GABBR2: variants seen among roughly 807,000 people sequenced by gnomAD.
GABBR2 encodes G-protein coupled receptor 51.
A neutral mutation model predicts 105.6 loss-of-function variants in GABBR2; 23 were observed. The ratio of observed to expected loss-of-function variants is 0.22; its 90% confidence interval spans 0.16 to 0.31. The LOEUF (loss-of-function observed/expected upper bound fraction) is 0.31, where lower values mean the gene tolerates loss of function less well. Ranked by LOEUF, GABBR2 falls within the 10% of genes least tolerant of loss-of-function variation. The probability of loss-of-function intolerance (pLI) is 1.00; values close to 1 mark genes in which losing one functional copy is unlikely to be tolerated. For missense variants in GABBR2, 734 were observed against 1,245.5 expected (o/e 0.59, Z 6.18); for synonymous variants, 478 against 499.7 (o/e 0.96, Z 0.58).
chr9:98,550,234 G>C (rs897372726), intron 2 of GABBR2, among the ~76,000 whole-genome samples: 1 of 152,126 alleles, frequency 6.6e-6, no homozygotes, highest in Non-Finnish European at 1.5e-5. Flanking sequence ...AGAAAACCGA[G>C]GCTTAGAGGT....
In GABBR2 at chr9:98,675,725, G is replaced by A. The variant is rs531468626; in HGVS notation, c.321+32692C>T. Among the ~76,000 whole-genome samples the A allele has an allele frequency of 3.3e-5, 5 of 152,248 alleles. 1 individual carries two copies. In the South Asian group the frequency reaches 8.3e-4, roughly 25 times the overall value. ...CTTCATTTCCCTTGCCCCAGATTGA[G>A]AGTCTATGCACTTAAAGATCAGCAC... On this transcript the variant is annotated intron_variant, in intron 1 of 18. Coordinates refer to ENST00000259455, the MANE Select transcript of GABBR2 (RefSeq NM_005458.8).
At chr9:98,558,280 A>G (rs1046087456) in intron 2 of GABBR2, among the ~76,000 whole-genome samples, 1 of 152,240 alleles carries the variant, frequency 6.6e-6, no homozygotes, top group African/African-American at 2.4e-5. Context: ...TCTACCTGCT[A>G]ACCCTAAGTA....
intron 3 of GABBR2, among the ~76,000 whole-genome samples, chr9:98,503,193 C>T (rs1039004125): frequency 1.3e-5 from 2 of 152,032 alleles, no homozygotes; most frequent in Non-Finnish European, 2.9e-5. Flanking sequence ...GATTCCAGGC[C>T]GAGGAGCAGC....
intron 18 of GABBR2, among the ~76,000 whole-genome samples, chr9:98,292,316 G>T (rs1165256413): frequency 6.6e-6 from 1 of 152,246 alleles, no homozygotes; most frequent in African/African-American, 2.4e-5. Flanking sequence ...CAGAGTTCAG[G>T]TAACTTCCCC....
At chr9:98,497,499 C>T (rs1827305406) in intron 3 of GABBR2, among the ~76,000 whole-genome samples, 1 of 152,052 alleles carries the variant, frequency 6.6e-6, no homozygotes, top group South Asian at 2.1e-4. Context: ...CATGGCTGTG[C>T]ACCCTCTGAC....
chr9:98,400,357 A>G (rs191680345), intron 8 of GABBR2, among the ~76,000 whole-genome samples: 1 of 152,306 alleles, frequency 6.6e-6, no homozygotes, highest in Non-Finnish European at 1.5e-5. Context: ...TTAGACCGTC[A>G]AAAAATGAGG....
At chr9:98,615,455 T>G (rs1829568970) in intron 1 of GABBR2, among the ~76,000 whole-genome samples, 1 of 152,230 alleles carries the variant, frequency 6.6e-6, no homozygotes, top group Non-Finnish European at 1.5e-5. Context: ...GAAAGACTAA[T>G]TTTTAAAATG....
chr9:98,357,772 C>T (rs533318502), intron 13 of GABBR2, among the ~76,000 whole-genome samples: 4 of 152,116 alleles, frequency 2.6e-5, no homozygotes, highest in African/African-American at 9.6e-5. Context: ...CCTTACAGGA[C>T]CTGTGTGCCT....
intron 3 of GABBR2, among the ~76,000 whole-genome samples, chr9:98,524,676 T>G (rs1189169589): frequency 6.6e-6 from 1 of 152,178 alleles, no homozygotes; most frequent in African/African-American, 2.4e-5. Context: ...ACTCATTCAT[T>G]CCATCAGGAA....
intron 1 of GABBR2, among the ~76,000 whole-genome samples, chr9:98,602,383 A>G (rs1474046498): frequency 2.0e-5 from 3 of 150,652 alleles, no homozygotes; most frequent in African/African-American, 7.4e-5. Flanking sequence ...GAGGCAGGAG[A>G]ATCGCTTGAA....
chr9:98,614,696 CAT>C (rs1758243901), intron 1 of GABBR2, among the ~76,000 whole-genome samples: 1 of 149,080 alleles, frequency 6.7e-6, no homozygotes, highest in African/African-American at 2.5e-5. Flanking sequence ...AGATGAGAAA[CAT>C]AGAACTAACT....
chr9:98,414,711 C>T (rs113132108), intron 7 of GABBR2, among the ~76,000 whole-genome samples: 8 of 152,278 alleles, frequency 5.3e-5, no homozygotes, highest in African/African-American at 7.2e-5. Flanking sequence ...GGCTTCCTGA[C>T]GGTTGGGTGC....
At position 98,362,811 on chromosome 9, in the gene GABBR2, C is replaced by A; in HGVS notation, c.1797G>T (p.Val599=). The A allele has an allele frequency of 6.3e-7, 1 of 1,594,882 alleles. No homozygotes were observed. Among genetic ancestry groups the A allele is most frequent in the South Asian group, 1.1e-5 (1 of 87,828 alleles). The change falls in exon 13 of 19, where the codon GTG becomes GTT. Residue 599 remains valine (V), a synonymous_variant. Transcript: ENST00000259455. The part of the protein sequence containing the change: ...KKIIKDQKLL[V]IVGGMLLIDL... ...CGATCAGCAGCATGCCCCCCACGAT[C>A]ACAAGCAGTTTCTGGTCCTTGATGA...
At chr9:98,659,280 C>A (rs893571241) in intron 1 of GABBR2, among the ~76,000 whole-genome samples, 1 of 152,132 alleles carries the variant, frequency 6.6e-6, no homozygotes, top group Non-Finnish European at 1.5e-5. Flanking sequence ...TACAATTTTC[C>A]AGCTGAGCTA....
chr9:98,616,277 G>A (rs111310121), intron 1 of GABBR2, among the ~76,000 whole-genome samples: 3,497 of 152,246 alleles, frequency 0.023, 46 homozygotes, highest in Middle Eastern at 0.061. Context: ...TCACCCTCCG[G>A]GTCAGGCAGT....
chr9:98,416,235 C>T (rs1832687663), intron 7 of GABBR2, among the ~76,000 whole-genome samples: 1 of 152,170 alleles, frequency 6.6e-6, no homozygotes, highest in South Asian at 2.1e-4. Context: ...CATAACCAAG[C>T]CAGTCCTCTC....
At chr9:98,338,512 T>A (rs1377168733) in intron 13 of GABBR2, among the ~76,000 whole-genome samples, 1 of 152,208 alleles carries the variant, frequency 6.6e-6, no homozygotes, top group Non-Finnish European at 1.5e-5. Context: ...CCAATAAGCA[T>A]GTAAAAAGAC....
chr9:98,435,471 A>G (rs780361027), intron 7 of GABBR2, among the ~76,000 whole-genome samples: 7 of 152,086 alleles, frequency 4.6e-5, no homozygotes, highest in Middle Eastern at 3.2e-3. Context: ...CTCTATACCC[A>G]ATATCACTGA....
chr9:98,587,170 T>C (rs923382517), intron 1 of GABBR2, among the ~76,000 whole-genome samples: 1 of 152,238 alleles, frequency 6.6e-6, no homozygotes, highest in Admixed American at 6.5e-5. Flanking sequence ...CATCTTTTCA[T>C]ATGCTTATAG....
Sources: gnomAD v4.1 joint callset for allele counts (sites outside exome capture counted in the v4.1 genomes callset) on GRCh38, gnomAD v4.1.1 for gene constraint, MANE v1.5 for transcripts, NCBI Gene and HGNC (gene_info 2026-07-23, HGNC 2026-07-21) for gene names.